The following KLC1 variants were observed in gnomAD, a reference collection of about 807,000 sequenced individuals.
KLC1 encodes kinesin 2 60/70kDa.
KLC1 carries 30 observed loss-of-function variants against 84.2 expected under a neutral mutation model. That is an observed-to-expected ratio of 0.36 (90% CI 0.27 to 0.48). The LOEUF (loss-of-function observed/expected upper bound fraction) is 0.48, where lower values mean the gene tolerates loss of function less well. KLC1 is among the 20% of genes least tolerant of loss of function. The probability of loss-of-function intolerance (pLI) is 0.99; values close to 1 mark genes in which losing one functional copy is unlikely to be tolerated. For synonymous variants in KLC1, 289 were observed against 293.3 expected, an observed-to-expected ratio of 0.99 and a Z score of 0.15; for missense variants, 499 against 805.4, an observed-to-expected ratio of 0.62 and a Z score of 4.60.
chr14:103,700,305 G>T lies in KLC1; in HGVS notation c.1849-350G>T, dbSNP rs2083054361. 3 of 263,712 alleles carry T rather than the reference G, an allele frequency of 1.1e-5. No homozygotes were observed. The South Asian group carries it at 1.8e-4, about 16-fold the overall frequency. The allele number at this position is 263,712 out of a possible 1,614,324, so 16.3% of individuals were successfully genotyped here. On this transcript the variant is annotated intron_variant, in intron 15 of 16. Coordinates refer to ENST00000334553, the MANE Select transcript of KLC1 (RefSeq NM_001394837.1). The stretch of plus-strand genomic sequence containing the variant: ...CCACCAGCTCCCAGGAGAGCTTCCA[G>T]GGGAGGACCCCCCCAGTGAAGGCAG...
Position 103,701,199 on chromosome 14 carries a change from A to G in KLC1, c.*2-2A>G. ...GCCCTGACCTTCTATCTTCTCTTGCAGTGACCCCGACCTGGCCCCGCTCCA... is the reference window on the plus strand; with the variant it reads ...GCCCTGACCTTCTATCTTCTCTTGCGGTGACCCCGACCTGGCCCCGCTCCA... On this transcript the variant is annotated splice_acceptor_variant, in intron 16 of 16. Transcript: ENST00000334553. LOFTEE classifies it low-confidence loss of function (3UTR_SPLICE). 6.4e-7 allele frequency: 1 copy of G among 1,550,988 alleles called. No homozygotes were observed. Among genetic ancestry groups the G allele is most frequent in the East Asian group, 2.4e-5 (1 of 40,904 alleles).
rs969171549 is a variant in KLC1, at chr14:103,694,932, C to T, written c.1848+2507C>T. On this transcript the variant is annotated intron_variant, in intron 15 of 16. Transcript: ENST00000334553. The surrounding 1 kb of genome is among the most constrained non-coding windows in gnomAD (Gnocchi z 4.5). ...AGCGCGTTTGTTTCCACAAGACAAGCTCCGTGTAGTCGCCAGCGGGTGCCT... is the reference window on the plus strand; with the variant it reads ...AGCGCGTTTGTTTCCACAAGACAAGTTCCGTGTAGTCGCCAGCGGGTGCCT... 1 of 985,370 alleles carries T rather than the reference C, an allele frequency of 1.0e-6. No individual in the cohort carries two copies. The highest frequency in any genetic ancestry group is 1.7e-5 in the African/African-American group (1 of 57,260). The allele number at this position is 985,370 out of a possible 1,614,324, so 61.0% of individuals were successfully genotyped here.
At chr14:103,629,602 A>C (rs2076509718) in intron 1 of KLC1, 108 bp downstream of exon 1, 1 of 151,082 alleles carries the variant, frequency 6.6e-6, no homozygotes, top group Admixed American at 6.6e-5. Flanking sequence ...GTCCCCATCC[A>C]GGCCTCCTTC....
chr14:103,685,702 T>A, intron 13 of KLC1: 1 of 1,289,560 alleles, frequency 7.8e-7, no homozygotes, highest in Non-Finnish European at 1.0e-6. Flanking sequence ...GCAGCTTCCC[T>A]TCTCTCTCCA....
intron 15 of KLC1, chr14:103,695,693 G>C (rs1046037732): frequency 4.1e-6 from 4 of 985,342 alleles, no homozygotes; most frequent in Non-Finnish European, 4.8e-6. Flanking sequence ...GTGCAGACGA[G>C]GTTGTGTGGG....
In KLC1 at chr14:103,667,095, A is replaced by G. The variant is rs570925078; in HGVS notation, c.798-2416A>G. On this transcript the variant is annotated intron_variant, in intron 5 of 16. Transcript: ENST00000334553. ...TGTCCGGCCTCATTTAATTCTCATA[A>G]CACTTTAGGTAGCTTATTTTATTTT... Among the ~76,000 whole-genome samples the G allele has an allele frequency of 4.0e-5, 6 of 151,266 alleles. No homozygotes were observed. In the East Asian group the frequency reaches 1.2e-3, roughly 30 times the overall value.
intron 1 of KLC1, among the ~76,000 whole-genome samples, chr14:103,644,051 T>C (rs1382764263): frequency 1.3e-5 from 2 of 151,550 alleles, no homozygotes; most frequent in Non-Finnish European, 2.9e-5. Context: ...CCATCTCTAC[T>C]AAAAATACAA....
At chr14:103,667,963 G>A (rs2080024013) in intron 5 of KLC1, among the ~76,000 whole-genome samples, 1 of 152,214 alleles carries the variant, frequency 6.6e-6, no homozygotes. Flanking sequence ...CTCCAATCAA[G>A]AAAGATTCTT....
At chr14:103,656,850 AT>A (rs1458180748) in intron 2 of KLC1, among the ~76,000 whole-genome samples, 1 of 152,184 alleles carries the variant, frequency 6.6e-6, no homozygotes, top group Non-Finnish European at 1.5e-5. Context: ...GGGCAGATGT[AT>A]GTTCTAAAGA....
At chr14:103,662,340 C>CA (rs2079365949) in intron 4 of KLC1, 146 bp downstream of exon 4, 1 of 715,582 alleles carries the variant, frequency 1.4e-6, no homozygotes, top group Non-Finnish European at 2.5e-6. Flanking sequence ...TTTGGTTTTC[C>CA]AAAATAATCT....
At chr14:103,695,643 C>G in intron 15 of KLC1, 2 of 985,400 alleles carry the variant, frequency 2.0e-6, no homozygotes, top group Non-Finnish European at 2.4e-6. Context: ...AAACATAGGG[C>G]TGAATATGGA....
At chr14:103,671,353 C>T (rs942500899) in intron 7 of KLC1, among the ~76,000 whole-genome samples, 2 of 151,702 alleles carry the variant, frequency 1.3e-5, no homozygotes, top group South Asian at 2.1e-4. Context: ...TGGGTCTATC[C>T]GATGAGTGAC....
chr14:103,677,548 C>A, intron 12 of KLC1, 25 bp downstream of exon 12: 3 of 1,395,692 alleles, frequency 2.1e-6, no homozygotes, highest in South Asian at 2.4e-5. Context: ...TGTCCTTAAC[C>A]GGCCCATGGG....
chr14:103,684,458 C>T (rs935424755), intron 13 of KLC1, among the ~76,000 whole-genome samples: 13 of 152,218 alleles, frequency 8.5e-5, no homozygotes, highest in Admixed American at 2.0e-4. Context: ...CCAGGGCAGC[C>T]GCCGGCCTTC....
chr14:103,697,452 T>C (rs1024460314), intron 15 of KLC1, among the ~76,000 whole-genome samples: 1 of 152,046 alleles, frequency 6.6e-6, no homozygotes, highest in African/African-American at 2.4e-5. Context: ...GCCTCTGGGT[T>C]GTGGGAGGAG....
chr14:103,677,429 C>G lies in KLC1; in HGVS notation c.1394C>G (p.Thr465Ser). The change falls in exon 12 of 17, where the codon ACC becomes AGC. Residue 465 changes from threonine to serine, a missense_variant. This residue lies in a region of KLC1 where 153 missense variants were observed against 332.4 expected (regional missense o/e 0.46). Transcript: ENST00000334553. ...CTTTCTTACAGTCCAACTGTTACAA[C>G]CACTCTAAAAAACCTTGGGGCACTT... ...ACKVDSPTVT[T>S]TLKNLGALYR... 1.2e-6 allele frequency: 2 copies of G among 1,610,900 alleles called. No individual in the cohort carries two copies. Among genetic ancestry groups the G allele is most frequent in the Non-Finnish European group, 1.7e-6 (2 of 1,177,084 alleles).
At position 103,687,072 on chromosome 14, in the gene KLC1, T is replaced by A; in HGVS notation, c.1651-9T>A. ...CCTGCAGCTTCACGTTTGTTCACGT[T>A]TTTTTCAGGATGGCACTGGATCTTT... On this transcript the variant is annotated splice_polypyrimidine_tract_variant and intron_variant, in intron 13 of 16. Coordinates refer to ENST00000334553, the MANE Select transcript of KLC1 (RefSeq NM_001394837.1). 1 of 1,520,416 alleles carries A rather than the reference T, an allele frequency of 6.6e-7. No individual in the cohort carries two copies. Among genetic ancestry groups the A allele is most frequent in the Non-Finnish European group, 8.9e-7 (1 of 1,122,796 alleles). 94.2% of individuals were successfully genotyped at this position (1,520,416 alleles called of 1,614,324 possible).
chr14:103,664,507 C>G (rs1407211163), intron 5 of KLC1, among the ~76,000 whole-genome samples: 1 of 92,404 alleles, frequency 1.1e-5, no homozygotes, highest in Non-Finnish European at 3.0e-5. Context: ...TTGCATTTAG[C>G]TCTTAATTAG....
chr14:103,640,745 A>G (rs1178977288), intron 1 of KLC1, among the ~76,000 whole-genome samples: 2 of 152,090 alleles, frequency 1.3e-5, no homozygotes, highest in Non-Finnish European at 2.9e-5. Context: ...ATTTATGTGT[A>G]GATTTGAAAA....
Sources: gnomAD v4.1 joint callset for allele counts (sites outside exome capture counted in the v4.1 genomes callset) on GRCh38, gnomAD v4.1.1 for gene constraint, gnomAD v4.1.1 regional missense constraint, Gnocchi (gnomAD v3.1) non-coding constraint, MANE v1.5 for transcripts, NCBI Gene and HGNC (gene_info 2026-07-23, HGNC 2026-07-21) for gene names.